The following SNW1 variants were observed in gnomAD, a reference collection of about 807,000 sequenced individuals.
The protein encoded by SNW1 is SNW domain-containing protein 1.
SNW1 carries 9 observed loss-of-function variants against 75.6 expected under a neutral mutation model. The ratio of observed to expected loss-of-function variants is 0.12; its 90% CI spans 0.07 to 0.21. The LOEUF is 0.21. SNW1 is among the 10% of genes least tolerant of loss of function. The probability of loss-of-function intolerance (pLI) is 1.00; values close to 1 mark genes in which losing one functional copy is unlikely to be tolerated. For missense variants in SNW1, 409 were observed against 670.9 expected, an observed-to-expected ratio of 0.61 and a Z score of 4.31; for synonymous variants, 200 against 219.1, an observed-to-expected ratio of 0.91 and a Z score of 0.77.
chr14:77,746,488 C>T (rs1045566432), intron 3 of SNW1, among the ~76,000 whole-genome samples: 4 of 152,110 alleles, frequency 2.6e-5, no homozygotes, highest in Non-Finnish European at 4.4e-5. Context: ...AATTGCTGAG[C>T]AGAGAGAACA....
chr14:77,719,601 A>G (rs993391932), intron 12 of SNW1, among the ~76,000 whole-genome samples: 1 of 152,162 alleles, frequency 6.6e-6, no homozygotes, highest in Non-Finnish European at 1.5e-5. Context: ...AGATGGCACC[A>G]CTGCACTCCA....
intron 13 of SNW1, 38 bp downstream of exon 13, chr14:77,718,329 C>T (rs1189475985): frequency 5.6e-6 from 9 of 1,614,164 alleles, no homozygotes; most frequent in Non-Finnish European, 6.8e-6. Flanking sequence ...TTGCTTTCAC[C>T]AGTGTAAACA....
rs2080532521 is a variant in SNW1 at position 77,720,677 on chromosome 14, CAACACACACAATAT to C, written c.1248+20_1248+33del. The C allele has an allele frequency of 7.4e-7, 1 of 1,346,984 alleles. No homozygotes were observed. The highest frequency in any genetic ancestry group is 1.4e-5 in the African/African-American group (1 of 69,558). The allele number at this position is 1,346,984 out of a possible 1,614,324, so 83.4% of individuals were successfully genotyped here. ...TTTCCCTGAGGATAGGTATTCACAT[CAACACACACAATAT>C]GCTGTTCCTAAACTTGTACCTTGGA... On this transcript the variant is annotated intron_variant, in intron 12 of 13. Coordinates refer to ENST00000261531, the MANE Select transcript of SNW1 (RefSeq NM_012245.3).
chr14:77,739,368 T>TA (rs1197712199), intron 3 of SNW1, among the ~76,000 whole-genome samples: 1 of 152,206 alleles, frequency 6.6e-6, no homozygotes, highest in Non-Finnish European at 1.5e-5. Flanking sequence ...TGAGGCCCAC[T>TA]AAAACTTGAA....
At chr14:77,740,965 T>C in intron 3 of SNW1, among the ~76,000 whole-genome samples, 1 of 151,498 alleles carries the variant, frequency 6.6e-6, no homozygotes, top group Non-Finnish European at 1.5e-5. Context: ...GGCATGGTGG[T>C]GGGTGCCTGT....
intron 3 of SNW1, among the ~76,000 whole-genome samples, chr14:77,750,711 T>C (rs2080801057): frequency 6.6e-6 from 1 of 152,160 alleles, no homozygotes; most frequent in African/African-American, 2.4e-5. Context: ...TCCTTGGCCC[T>C]GAGTGTAGCT....
rs937267352 is a variant in SNW1 at position 77,736,832 on chromosome 14, G to A, written c.638+139C>T. On this transcript the variant is annotated intron_variant, in intron 6 of 13. Coordinates refer to ENST00000261531, the MANE Select transcript of SNW1 (RefSeq NM_012245.3). ...ATCTACTTTCTGTAACTATAGGTTAGTTTGCATTTCCTGGAGTTTTAGATA... is the reference window on the plus strand; with the variant it reads ...ATCTACTTTCTGTAACTATAGGTTAATTTGCATTTCCTGGAGTTTTAGATA... 8 of 617,708 alleles carry A rather than the reference G, an allele frequency of 1.3e-5. No homozygotes were observed. The African/African-American group carries it at 1.5e-4, about 11-fold the overall frequency. The allele number at this position is 617,708 out of a possible 1,614,324, so 38.3% of individuals were successfully genotyped here. A position where few individuals can be genotyped will look rare whatever the true frequency, so the allele number is the denominator to read the frequency against.
intron 3 of SNW1, among the ~76,000 whole-genome samples, chr14:77,741,774 A>C (rs1227629352): frequency 6.6e-6 from 1 of 152,164 alleles, no homozygotes; most frequent in African/African-American, 2.4e-5. Context: ...AGAGTTAATC[A>C]TGAGGAGTTT....
chr14:77,719,191 G>C (rs967967072), intron 12 of SNW1, among the ~76,000 whole-genome samples: 6 of 152,126 alleles, frequency 3.9e-5, no homozygotes, highest in Non-Finnish European at 7.3e-5. Context: ...GTGAGCCACA[G>C]TGCCCAGCCA....
Position 77,750,556 on chromosome 14 carries a change from T to C in SNW1, c.330+763A>G, listed in dbSNP as rs897387481. On this transcript the variant is annotated intron_variant, in intron 3 of 13. Transcript: ENST00000261531. ...ATTTTAGAGGGTAAATTGAAAAAGT[T>C]TGGCGGGGAGAGAGAGGCCAATGAT... Among the ~76,000 whole-genome samples the C allele has an allele frequency of 6.6e-5, 10 of 152,288 alleles. No homozygotes were observed. The South Asian group carries it at 1.5e-3, about 22-fold the overall frequency.
At position 77,735,026 on chromosome 14, in the gene SNW1, G is replaced by T; in HGVS notation, c.709-14C>A. The T allele has an allele frequency of 6.3e-7, 1 of 1,575,442 alleles. No individual in the cohort carries two copies. The highest frequency in any genetic ancestry group is 8.7e-7 in the Non-Finnish European group (1 of 1,147,726). On this transcript the variant is annotated splice_polypyrimidine_tract_variant and intron_variant, in intron 7 of 13. Transcript: ENST00000261531. ...CTTTACAGTCATCTGAGAGAAGAGG[G>T]AAAGAAGAGACAAGTTTAGATTTAT...
chr14:77,735,656 GACCTAATGA>G (rs1327079324), intron 7 of SNW1, among the ~76,000 whole-genome samples: 1 of 151,972 alleles, frequency 6.6e-6, no homozygotes, highest in African/African-American at 2.4e-5. Flanking sequence ...AATTACCAGG[GACCTAATGA>G]ACCCATATAT....
intron 3 of SNW1, among the ~76,000 whole-genome samples, chr14:77,747,625 G>C (rs1342451420): frequency 6.6e-6 from 1 of 151,492 alleles, no homozygotes; most frequent in Admixed American, 6.6e-5. Context: ...GAGAAGGGAA[G>C]AGCCCCTCCG....
chr14:77,755,035 G>T lies in SNW1; in HGVS notation c.100C>A (p.Leu34Met). Residue 34 changes from leucine to methionine, a missense_variant, in exon 2 of 14, where the codon CTG becomes ATG. Leu to Met is a conservative substitution (Grantham distance 15). Coordinates refer to ENST00000261531, the MANE Select transcript of SNW1 (RefSeq NM_012245.3). ...ARSQRSRQTS[L>M]VSSRREPPPY... is the part of the protein sequence containing the mutation. ...GGAGGTTCTCTTCGGGAGGAGACCA[G>T]TGAGGTCTGCCGTGATCTCTGGGAT... is the stretch of plus-strand genomic sequence containing the variant. 1 of 1,612,138 alleles carries T rather than the reference G, an allele frequency of 6.2e-7. No individual in the cohort carries two copies. The highest frequency in any genetic ancestry group is 8.5e-7 in the Non-Finnish European group (1 of 1,179,408).
chr14:77,751,171 C>A, intron 3 of SNW1, 148 bp downstream of exon 3: 2 of 741,120 alleles, frequency 2.7e-6, no homozygotes, highest in South Asian at 4.0e-5. Flanking sequence ...CCTCTGCCTC[C>A]CAAGTAGCTG....
chr14:77,731,884 G>A (rs1181992155), intron 9 of SNW1, among the ~76,000 whole-genome samples: 1 of 152,136 alleles, frequency 6.6e-6, no homozygotes, highest in East Asian at 1.9e-4. Context: ...GATTACAGGT[G>A]CATGCCACAT....
chr14:77,745,660 T>C (rs763306106), intron 3 of SNW1, among the ~76,000 whole-genome samples: 25 of 152,060 alleles, frequency 1.6e-4, no homozygotes, highest in Non-Finnish European at 3.4e-4. Context: ...TGAGCTGAGA[T>C]TGCCCTACTG....
chr14:77,723,023 A>G (rs1259644337), intron 11 of SNW1, among the ~76,000 whole-genome samples, 158 bp downstream of exon 11: 4 of 151,610 alleles, frequency 2.6e-5, no homozygotes, highest in African/African-American at 9.7e-5. Context: ...AATTTTTTGT[A>G]CTTTTAGTAG....
At chr14:77,745,781 T>C (rs1009674649) in intron 3 of SNW1, among the ~76,000 whole-genome samples, 7 of 152,048 alleles carry the variant, frequency 4.6e-5, no homozygotes, top group Non-Finnish European at 8.8e-5. Flanking sequence ...TCCAACACTC[T>C]GGGAGGCCAA....
Sources: allele counts gnomAD v4.1 joint callset (sites outside exome capture counted in the v4.1 genomes callset), GRCh38; gene constraint gnomAD v4.1.1; transcripts MANE v1.5; gene names NCBI Gene and HGNC (gene_info 2026-07-23, HGNC 2026-07-21).